PIK3C3: variants seen among roughly 807,000 people sequenced by gnomAD.
PIK3C3 encodes PI3-kinase type 3.
PIK3C3 carries 95 observed loss-of-function variants against 126.1 expected under a neutral mutation model. That is an observed-to-expected ratio of 0.75 (90% CI 0.64 to 0.89). PIK3C3 has a LOEUF of 0.89. PIK3C3 is among the 40% of genes least tolerant of loss of function. The pLI, the probability that PIK3C3 is intolerant of heterozygous loss-of-function variation, is 0.00. For synonymous variants in PIK3C3, 374 were observed against 360.0 expected (o/e 1.04, Z -0.44); for missense variants, 829 against 1,063.2 (o/e 0.78, Z 3.06).
chr18:42,020,294 A>C (rs1405632426), intron 12 of PIK3C3, among the ~76,000 whole-genome samples: 2 of 152,074 alleles, frequency 1.3e-5, no homozygotes, highest in Non-Finnish European at 2.9e-5. Context: ...AGAGCTTTCC[A>C]GTGTCATTTT....
Position 42,038,802 on chromosome 18 carries a change from G to T in PIK3C3, c.1990G>T (p.Asp664Tyr). 1 of 1,606,036 alleles carries T rather than the reference G, an allele frequency of 6.2e-7. No homozygotes were observed. The highest frequency in any genetic ancestry group is 8.5e-7 in the Non-Finnish European group (1 of 1,173,412). Residue 664 changes from aspartate to tyrosine, a missense_variant, in exon 18 of 25, where the codon GAC (aspartate) becomes TAC (tyrosine). Transcript: ENST00000262039. ...MDKLLRKENL[D>Y]LKLTPYKVLA... ...AAAGCTGTTACGGAAAGAAAATCTG[G>T]ACTTGAAATTGACACCTTATAAGGT...
rs577854080 is a variant in PIK3C3, at chr18:42,082,398, C to T, written c.*1261C>T. The T allele has an allele frequency of 2.0e-5, 3 of 152,116 alleles. No homozygotes were observed. Among genetic ancestry groups the T allele is most frequent in the Non-Finnish European group, 4.4e-5 (3 of 68,018 alleles). 9.4% of individuals were successfully genotyped at this position (152,116 alleles called of 1,614,324 possible). On this transcript the variant is annotated 3_prime_UTR_variant, in exon 25 of 25. Coordinates refer to ENST00000262039, the MANE Select transcript of PIK3C3 (RefSeq NM_002647.4). ...AGAGGGCAAGCATGTAATTAAGAGA[C>T]ACTCTAGAGGCATATGGAATATAGT...
Position 42,082,091 on chromosome 18 carries a change from C to T in PIK3C3, c.*954C>T, listed in dbSNP as rs1172591578. On this transcript the variant is annotated 3_prime_UTR_variant, in exon 25 of 25. Transcript: ENST00000262039. ...TTAAGACTAGAACTAATCCCTCTAGCTTTTTTACTGGAACTTTGGGGAAAA... is the reference window on the plus strand; with the variant it reads ...TTAAGACTAGAACTAATCCCTCTAGTTTTTTTACTGGAACTTTGGGGAAAA... The T allele has an allele frequency of 1.3e-5, 2 of 152,040 alleles. No homozygotes were observed. Among genetic ancestry groups the T allele is most frequent in the South Asian group, 4.1e-4 (2 of 4,824 alleles). The allele number at this position is 152,040 out of a possible 1,614,324, so 9.4% of individuals were successfully genotyped here. A position where few individuals can be genotyped will look rare whatever the true frequency, so the allele number is the denominator to read the frequency against.
chr18:42,047,548 C>A (rs1028892470), intron 20 of PIK3C3, among the ~76,000 whole-genome samples: 2 of 152,100 alleles, frequency 1.3e-5, no homozygotes, highest in Non-Finnish European at 2.9e-5. Context: ...TCTGTGGACC[C>A]ACAGTATTGA....
Position 41,956,548 on chromosome 18 carries a change from C to CTTTTTTTTT in PIK3C3, c.69-1008_69-1000dup, listed in dbSNP as rs57601171. Among the ~76,000 whole-genome samples the CTTTTTTTTT allele has an allele frequency of 4.1e-4, 41 of 100,248 alleles. 6 individuals are homozygous for CTTTTTTTTT. Among genetic ancestry groups the CTTTTTTTTT allele is most frequent in the African/African-American group, 1.5e-3 (37 of 23,966 alleles). The allele number at this position is 100,248 out of a possible 152,430, so 65.8% of individuals were successfully genotyped here. A position where few individuals can be genotyped will look rare whatever the true frequency, so the allele number is the denominator to read the frequency against. On this transcript the variant is annotated intron_variant, in intron 1 of 24. Coordinates refer to ENST00000262039, the MANE Select transcript of PIK3C3 (RefSeq NM_002647.4). ...AAGAAAAAGCCAAAAAAACCGGTCCCTTTTTTTTTTTTTTTTTTTTTTGGA... is the reference window on the plus strand; with the variant it reads ...AAGAAAAAGCCAAAAAAACCGGTCCCTTTTTTTTTTTTTTTTTTTTTTTTTTTTTTTGGA...
At chr18:42,037,841 G>A (rs1316336291) in intron 17 of PIK3C3, 21 bp downstream of exon 17, 2 of 1,588,690 alleles carry the variant, frequency 1.3e-6, no homozygotes, top group African/African-American at 1.3e-5. Flanking sequence ...CCTTATGTTG[G>A]TGGGGAACAT....
At chr18:41,976,853 A>T (rs989839767) in intron 4 of PIK3C3, among the ~76,000 whole-genome samples, 7 of 152,194 alleles carry the variant, frequency 4.6e-5, no homozygotes, top group African/African-American at 1.7e-4. Context: ...AAGCGTAGAG[A>T]AGTTAAGCTG....
chr18:42,075,255 AAG>A (rs1255246737), intron 24 of PIK3C3, among the ~76,000 whole-genome samples: 1 of 152,212 alleles, frequency 6.6e-6, no homozygotes, highest in Non-Finnish European at 1.5e-5. Context: ...ACAAAACAAA[AAG>A]TATTGATTTG....
intron 10 of PIK3C3, among the ~76,000 whole-genome samples, chr18:42,011,432 C>G (rs1245930535): frequency 6.6e-6 from 1 of 152,164 alleles, no homozygotes; most frequent in African/African-American, 2.4e-5. Flanking sequence ...ATCTCATGAA[C>G]AAACCTCTTT....
intron 15 of PIK3C3, among the ~76,000 whole-genome samples, chr18:42,030,679 C>T (rs1983781604): frequency 6.6e-6 from 1 of 152,172 alleles, no homozygotes; most frequent in Non-Finnish European, 1.5e-5. Flanking sequence ...AGAAGAATCA[C>T]AAACCTTGGT....
At chr18:42,049,421 C>T (rs1984693876) in intron 20 of PIK3C3, 110 bp from the exon 21 acceptor site, 1 of 619,594 alleles carries the variant, frequency 1.6e-6, no homozygotes, top group Admixed American at 2.8e-5. Flanking sequence ...AAACCAGAGA[C>T]ATTAGAAAAC....
chr18:41,980,803 A>G (rs981991980), intron 4 of PIK3C3, among the ~76,000 whole-genome samples: 4 of 152,162 alleles, frequency 2.6e-5, no homozygotes, highest in Admixed American at 1.3e-4. Context: ...TTTTAAATGT[A>G]TGTGTTTTAG....
intron 9 of PIK3C3, among the ~76,000 whole-genome samples, chr18:41,999,385 T>G (rs1330196183): frequency 6.6e-6 from 1 of 152,114 alleles, no homozygotes; most frequent in Admixed American, 6.6e-5. Flanking sequence ...TTGATTATGC[T>G]TGGGGGAAAA....
rs748316298 is a variant in PIK3C3 at position 41,955,309 on chromosome 18, G to C, written c.18G>C (p.Lys6Asn). ...ACGGTGCGATGGGGGAAGCAGAGAA[G>C]TTTCACTACATCTATAGTTGTGACC... MGEAEKFHYIYSCDLD... is the reference protein window; with the variant it reads MGEAENFHYIYSCDLD... Residue 6 changes from lysine to asparagine, a missense_variant, in exon 1 of 25, where the codon AAG becomes AAC. This residue lies in a region of PIK3C3 where 313 missense variants were observed against 340.7 expected (regional missense o/e 0.92). Coordinates refer to ENST00000262039, the MANE Select transcript of PIK3C3 (RefSeq NM_002647.4). 1.9e-6 allele frequency: 3 copies of C among 1,613,392 alleles called. No individual in the cohort carries two copies. In the South Asian group the frequency reaches 3.3e-5, roughly 18 times the overall value.
chr18:42,022,281 C>T (rs1441943444), intron 13 of PIK3C3, among the ~76,000 whole-genome samples: 1 of 152,114 alleles, frequency 6.6e-6, no homozygotes, highest in African/African-American at 2.4e-5. Flanking sequence ...CAGTGCTATC[C>T]CTGCCCCCAT....
chr18:42,064,685 A>G (rs1985460509), intron 22 of PIK3C3, 55 bp from the exon 23 acceptor site: 3 of 831,496 alleles, frequency 3.6e-6, no homozygotes, highest in Non-Finnish European at 6.2e-6. Context: ...TAATATGAGA[A>G]AGAAATGCAG....
Position 42,016,659 on chromosome 18 carries a change from G to A in PIK3C3, c.1416+1093G>A, listed in dbSNP as rs1477191570. Among the ~76,000 whole-genome samples, 10 of 152,248 alleles carry A rather than the reference G, an allele frequency of 6.6e-5. No individual in the cohort carries two copies. The East Asian group carries it at 1.9e-3, about 29-fold the overall frequency. Reference sequence around the variant, plus strand: ...CTGGGGAAGAGCATTTCAGATAGAGGGAGTAGCAAGTATAGAGGTCCTAAG... The same window carrying A: ...CTGGGGAAGAGCATTTCAGATAGAGAGAGTAGCAAGTATAGAGGTCCTAAG... On this transcript the variant is annotated intron_variant, in intron 12 of 24. Coordinates refer to ENST00000262039, the MANE Select transcript of PIK3C3 (RefSeq NM_002647.4).
chr18:42,020,787 T>A, intron 13 of PIK3C3, 82 bp downstream of exon 13: 1 of 761,730 alleles, frequency 1.3e-6, no homozygotes, highest in Non-Finnish European at 2.2e-6. Context: ...AAAGATGATT[T>A]AAAATAAGAT....
chr18:42,061,155 A>G (rs569660983), intron 22 of PIK3C3, among the ~76,000 whole-genome samples: 2 of 152,284 alleles, frequency 1.3e-5, no homozygotes, highest in South Asian at 4.1e-4. Flanking sequence ...TTCCTTGAAC[A>G]TTACATGCAA....
Sources: allele counts gnomAD v4.1 joint callset (sites outside exome capture counted in the v4.1 genomes callset), GRCh38; gene constraint gnomAD v4.1.1; regional missense constraint gnomAD v4.1.1; transcripts MANE v1.5; gene names NCBI Gene and HGNC (gene_info 2026-07-23, HGNC 2026-07-21).